Variants in SPOCK3 observed in about 807,000 individuals in gnomAD.
The protein encoded by SPOCK3 is SPARC (osteonectin), cwcv and kazal like domains proteoglycan 3.
A neutral mutation model predicts 56.6 loss-of-function variants in SPOCK3; 30 were observed. The ratio of observed to expected loss-of-function variants is 0.53; its 90% CI spans 0.40 to 0.72. SPOCK3 has a LOEUF of 0.72. SPOCK3 is among the 30% of genes least tolerant of loss of function. The pLI is 0.00. For missense variants in SPOCK3, 527 were observed against 530.0 expected, an observed-to-expected ratio of 0.99 and a Z score of 0.06; for synonymous variants, 196 against 183.3, an observed-to-expected ratio of 1.07 and a Z score of -0.56.
At chr4:167,196,132 AT>A (rs1337459536) in intron 2 of SPOCK3, among the ~76,000 whole-genome samples, 3 of 152,220 alleles carry the variant, frequency 2.0e-5, no homozygotes, top group African/African-American at 7.2e-5. Flanking sequence ...TGCAAAGAGT[AT>A]ATACTTTGCA....
intron 3 of SPOCK3, among the ~76,000 whole-genome samples, chr4:167,002,548 T>A (rs1749048439): frequency 6.6e-6 from 1 of 152,220 alleles, no homozygotes; most frequent in East Asian, 1.9e-4. Flanking sequence ...ATGATTAGAT[T>A]AATTATAGCT....
intron 6 of SPOCK3, among the ~76,000 whole-genome samples, chr4:166,877,373 T>G (rs368410420): frequency 1.3e-5 from 2 of 152,304 alleles, no homozygotes; most frequent in African/African-American, 4.8e-5. Flanking sequence ...AGAGTTGAGA[T>G]ATTTCTTTTA....
chr4:166,893,765 A>G (rs2127024627), intron 5 of SPOCK3, among the ~76,000 whole-genome samples: 1 of 152,254 alleles, frequency 6.6e-6, no homozygotes, highest in South Asian at 2.1e-4. Flanking sequence ...TTTATTCCCC[A>G]TTTTAATCTA....
chr4:166,961,091 GATATAATC>G (rs1744094691), intron 4 of SPOCK3, among the ~76,000 whole-genome samples: 1 of 152,128 alleles, frequency 6.6e-6, no homozygotes, highest in East Asian at 1.9e-4. Flanking sequence ...ACAGGCAAAT[GATATAATC>G]ATACAATAAA....
intron 8 of SPOCK3, among the ~76,000 whole-genome samples, chr4:166,752,736 A>G (rs538180137): frequency 7.6e-4 from 116 of 152,170 alleles, no homozygotes; most frequent in Non-Finnish European, 1.4e-3. Context: ...ATTGAACTAA[A>G]AGAATACATA....
At chr4:166,774,461 T>C (rs1739303720) in intron 7 of SPOCK3, among the ~76,000 whole-genome samples, 1 of 152,190 alleles carries the variant, frequency 6.6e-6, no homozygotes, top group Admixed American at 6.6e-5. Context: ...ACCACCTCTT[T>C]GTCCCTGGAT....
At chr4:167,088,231 C>T (rs894462156) in intron 2 of SPOCK3, among the ~76,000 whole-genome samples, 8 of 152,056 alleles carry the variant, frequency 5.3e-5, no homozygotes, top group Non-Finnish European at 1.2e-4. Context: ...CTGGGCTCAA[C>T]CTTCAGAGGT....
chr4:166,998,190 A>G (rs1579947528), intron 4 of SPOCK3, among the ~76,000 whole-genome samples: 2 of 152,276 alleles, frequency 1.3e-5, no homozygotes, highest in South Asian at 4.1e-4. Context: ...GCATGGATTG[A>G]ATGGACATTT....
At chr4:167,137,287 C>T (rs1243554791) in intron 2 of SPOCK3, among the ~76,000 whole-genome samples, 1 of 151,764 alleles carries the variant, frequency 6.6e-6, no homozygotes, top group African/African-American at 2.4e-5. Flanking sequence ...TAAATACAGT[C>T]ATTTTTTCCT....
chr4:167,213,140 T>A (rs1052175293), intron 2 of SPOCK3, among the ~76,000 whole-genome samples: 10 of 152,258 alleles, frequency 6.6e-5, no homozygotes. Context: ...GGTGTCAGCC[T>A]ATGCTAATTG....
At chr4:166,871,869 T>C (rs572800381) in intron 6 of SPOCK3, among the ~76,000 whole-genome samples, 3 of 151,350 alleles carry the variant, frequency 2.0e-5, no homozygotes, top group South Asian at 2.1e-4. Context: ...GTAAGCCTGG[T>C]TCAGCATTAA....
At chr4:166,973,073 G>A (rs1285890497) in intron 4 of SPOCK3, among the ~76,000 whole-genome samples, 5 of 152,084 alleles carry the variant, frequency 3.3e-5, no homozygotes, top group Non-Finnish European at 7.4e-5. Flanking sequence ...GGACTTGGTG[G>A]GAGGTGATTG....
chr4:166,931,798 T>G (rs528852404), intron 4 of SPOCK3, among the ~76,000 whole-genome samples: 19 of 152,330 alleles, frequency 1.2e-4, no homozygotes, highest in African/African-American at 4.3e-4. Context: ...TTACATTTCT[T>G]TAGAGAGAAG....
chr4:166,804,366 C>T (rs1478394371), intron 6 of SPOCK3, among the ~76,000 whole-genome samples: 1 of 152,078 alleles, frequency 6.6e-6, no homozygotes, highest in African/African-American at 2.4e-5. Flanking sequence ...TTAGGACCCA[C>T]CCATGTGACC....
chr4:167,047,080 C>G (rs1334167071), intron 3 of SPOCK3, among the ~76,000 whole-genome samples: 1 of 152,152 alleles, frequency 6.6e-6, no homozygotes, highest in Admixed American at 6.5e-5. Flanking sequence ...TATTAACTCT[C>G]ACAAAACAAA....
intron 7 of SPOCK3, among the ~76,000 whole-genome samples, chr4:166,784,174 G>C (rs1203645475): frequency 6.6e-6 from 1 of 151,988 alleles, no homozygotes; most frequent in Non-Finnish European, 1.5e-5. Flanking sequence ...CCATTGTTTG[G>C]AATAATACAG....
chr4:167,027,586 C>T (rs1474824190), intron 3 of SPOCK3, among the ~76,000 whole-genome samples: 4 of 151,966 alleles, frequency 2.6e-5, no homozygotes, highest in Non-Finnish European at 4.4e-5. Context: ...TGTTGAGTCT[C>T]CCAAAACTTA....
chr4:167,030,372 AATTGCTT>A (rs1157581803), intron 3 of SPOCK3, among the ~76,000 whole-genome samples: 1 of 152,050 alleles, frequency 6.6e-6, no homozygotes, highest in East Asian at 1.9e-4. Context: ...TATTTTGTTC[AATTGCTT>A]GTGCTGAATT....
chr4:166,983,117 T>C (rs918905853), intron 4 of SPOCK3, among the ~76,000 whole-genome samples: 16 of 152,292 alleles, frequency 1.1e-4, no homozygotes, highest in Admixed American at 8.5e-4. Context: ...TTCCACGTAG[T>C]ATTGAGTCTA....
Sources: gnomAD v4.1 joint callset for allele counts (sites outside exome capture counted in the v4.1 genomes callset) on GRCh38, gnomAD v4.1.1 for gene constraint, MANE v1.5 for transcripts, NCBI Gene and HGNC (gene_info 2026-07-23, HGNC 2026-07-21) for gene names.